The following ARHGEF39 variants were observed in gnomAD, a reference collection of about 807,000 sequenced individuals.
The protein encoded by ARHGEF39 is Rho guanine nucleotide exchange factor (GEF) 39.
Under a neutral mutation model 47.5 loss-of-function variants are expected in ARHGEF39, and 45 were observed. The ratio of observed to expected loss-of-function variants is 0.95; its 90% CI spans 0.75 to 1.22. The LOEUF (loss-of-function observed/expected upper bound fraction) is 1.22, where lower values mean the gene tolerates loss of function less well. Among genes scored for constraint, ARHGEF39 ranks in the 50% most tolerant of loss-of-function variants. ARHGEF39 has a pLI of 0.00. For missense variants in ARHGEF39, 411 were observed against 425.3 expected (o/e 0.97, Z 0.30); for synonymous variants, 164 against 167.8 (o/e 0.98, Z 0.17).
Position 35,661,201 on chromosome 9 carries a change from T to C in ARHGEF39, c.*786A>G. The C allele has an allele frequency of 6.4e-7, 1 of 1,571,392 alleles. No individual in the cohort carries two copies. Among genetic ancestry groups the C allele is most frequent in the Non-Finnish European group, 8.6e-7 (1 of 1,156,816 alleles). On this transcript the variant is annotated 3_prime_UTR_variant, in exon 9 of 9. Transcript: ENST00000378387. ...CTGTTTTCATGATGGAGTGCTCCTG[T>C]GTGTTTTTTCGATCCTAGTTGGTTG... is the stretch of plus-strand genomic sequence containing the variant.
At chr9:35,664,202 C>T in intron 3 of ARHGEF39, 76 bp from the exon 4 acceptor site, 1 of 1,543,922 alleles carries the variant, frequency 6.5e-7, no homozygotes. Context: ...ATCCACATTC[C>T]CAGCCTTCAG....
Position 35,664,415 on chromosome 9 carries a change from TTA to T in ARHGEF39, c.309_310del (p.Tyr103Ter). ...CCTCTCTGAGTTGGCAGCAAATTGG[TTA>T]TAGAGCTCCAAGTGGCGGCAGAAGC... On this transcript the variant is annotated stop_gained and frameshift_variant, in exon 3 of 9. Transcript: ENST00000378387. LOFTEE classifies it high-confidence loss of function. 1 of 1,613,304 alleles carries T rather than the reference TTA, an allele frequency of 6.2e-7. No individual in the cohort carries two copies. Among genetic ancestry groups the T allele is most frequent in the South Asian group, 1.1e-5 (1 of 90,958 alleles).
Position 35,662,625 on chromosome 9 carries a change from G to GT in ARHGEF39, c.789dup (p.Leu264ThrfsTer44). The GT allele has an allele frequency of 6.2e-7, 1 of 1,614,092 alleles. No homozygotes were observed. Among genetic ancestry groups the GT allele is most frequent in the East Asian group, 2.2e-5 (1 of 44,884 alleles). On this transcript the variant is annotated frameshift_variant, in exon 7 of 9. Coordinates refer to ENST00000378387, the MANE Select transcript of ARHGEF39 (RefSeq NM_032818.3). LOFTEE classifies it high-confidence loss of function. ...AAGGTGCCACTCCGCAGCAGGTGCA[G>GT]TGGAGGCCGAGGCTTGGCCATGAGG...
Position 35,662,942 on chromosome 9 carries a change from C to T in ARHGEF39, c.673+4G>A, listed in dbSNP as rs1587933607. On this transcript the variant is annotated splice_donor_region_variant and intron_variant, in intron 6 of 8. Coordinates refer to ENST00000378387, the MANE Select transcript of ARHGEF39 (RefSeq NM_032818.3). Reference sequence around the variant, plus strand: ...GAGGATTGAAGGGGAAGTAGGCAAGCTACCTGAGGTCAGCCCCTTTGCCTG... The same window carrying T: ...GAGGATTGAAGGGGAAGTAGGCAAGTTACCTGAGGTCAGCCCCTTTGCCTG... The T allele has an allele frequency of 6.2e-7, 1 of 1,607,106 alleles. No homozygotes were observed. Among genetic ancestry groups the T allele is most frequent in the East Asian group, 2.2e-5 (1 of 44,656 alleles).
At chr9:35,662,063 T>C in intron 8 of ARHGEF39, 61 bp from the exon 9 acceptor site, 1 of 1,610,586 alleles carries the variant, frequency 6.2e-7, no homozygotes, top group Non-Finnish European at 8.5e-7. Flanking sequence ...GACAAAATCA[T>C]CTGGGGGTTG....
rs372621134 is a variant in ARHGEF39, at chr9:35,661,094, C to T, written c.*893G>A. ...TGGGGCGGGGACTACGGAGAAGGTGCAGCCAGGCTGTGGCAAAGGGCCCCA... is the reference window on the plus strand; with the variant it reads ...TGGGGCGGGGACTACGGAGAAGGTGTAGCCAGGCTGTGGCAAAGGGCCCCA... On this transcript the variant is annotated 3_prime_UTR_variant, in exon 9 of 9. Coordinates refer to ENST00000378387, the MANE Select transcript of ARHGEF39 (RefSeq NM_032818.3). The T allele has an allele frequency of 1.2e-6, 2 of 1,614,022 alleles. No homozygotes were observed. The highest frequency in any genetic ancestry group is 2.7e-5 in the African/African-American group (2 of 74,924).
chr9:35,664,028 C>G lies in ARHGEF39; in HGVS notation c.453G>C (p.Leu151=). ...GGLQLQDLLP[L]PLQRLQQYEN... Reference sequence around the variant, plus strand: ...CTCACTGCTGGAGCCGTTGCAGAGGCAGAGGGAGCAGGTCCTGGAGCTGAA... The same window carrying G: ...CTCACTGCTGGAGCCGTTGCAGAGGGAGAGGGAGCAGGTCCTGGAGCTGAA... Residue 151 remains leucine (L), a synonymous_variant, in exon 4 of 9, where the codon CTG becomes CTC. Transcript: ENST00000378387. 1 of 1,614,074 alleles carries G rather than the reference C, an allele frequency of 6.2e-7. No homozygotes were observed. Among genetic ancestry groups the G allele is most frequent in the Non-Finnish European group, 8.5e-7 (1 of 1,179,936 alleles).
rs375764017 is a variant in ARHGEF39, at chr9:35,661,497, T to C, written c.*490A>G. On this transcript the variant is annotated 3_prime_UTR_variant, in exon 9 of 9. Transcript: ENST00000378387. ...GTGGAAAAATAAATGATAGAAACTA[T>C]ACACAACATAAAAATAGCCACATTT... 2.2e-6 allele frequency: 1 copy of C among 459,428 alleles called. No homozygotes were observed. Among genetic ancestry groups the C allele is most frequent in the South Asian group, 5.5e-5 (1 of 18,178 alleles). The allele number at this position is 459,428 out of a possible 1,614,324, so 28.5% of individuals were successfully genotyped here.
chr9:35,662,822 G>A (rs1336931396), intron 6 of ARHGEF39, 81 bp from the exon 7 acceptor site: 3 of 1,525,306 alleles, frequency 2.0e-6, no homozygotes, highest in Non-Finnish European at 2.7e-6. Context: ...AGAAAATAGG[G>A]GTTATGTGCT....
Position 35,664,044 on chromosome 9 carries a change from T to G in ARHGEF39, c.437A>C (p.Gln146Pro), listed in dbSNP as rs760504341. 5 of 1,613,990 alleles carry G rather than the reference T, an allele frequency of 3.1e-6. No homozygotes were observed. The highest frequency in any genetic ancestry group is 1.6e-4 in the Middle Eastern group (1 of 6,084). ...GRPEFGGLQL[Q>P]DLLPLPLQRL... ...TTGCAGAGGCAGAGGGAGCAGGTCC[T>G]GGAGCTGAAGGCCCCCAAACTCAGG... Residue 146 changes from glutamine (Q) to proline (P), a missense_variant, in exon 4 of 9, where the codon CAG becomes CCG. By Grantham distance (76) the Gln-to-Pro change is moderately conservative. Coordinates refer to ENST00000378387, the MANE Select transcript of ARHGEF39 (RefSeq NM_032818.3).
At position 35,659,425 on chromosome 9, in the gene ARHGEF39, G is replaced by A. The variant is rs1211057005; in HGVS notation, c.*2562C>T. On this transcript the variant is annotated 3_prime_UTR_variant, in exon 9 of 9. Transcript: ENST00000378387. ...GTTCTTGGACCTGAGTACAGTCTGG[G>A]AGAAACATAATGTAGCAGGAGGTCT... The A allele has an allele frequency of 1.3e-5, 2 of 152,226 alleles. No individual in the cohort carries two copies. Among genetic ancestry groups the A allele is most frequent in the Admixed American group, 6.5e-5 (1 of 15,274 alleles). 9.4% of individuals were successfully genotyped at this position (152,226 alleles called of 1,614,324 possible).
At position 35,660,076 on chromosome 9, in the gene ARHGEF39, C is replaced by G. The variant is rs968098851; in HGVS notation, c.*1911G>C. On this transcript the variant is annotated 3_prime_UTR_variant, in exon 9 of 9. Coordinates refer to ENST00000378387, the MANE Select transcript of ARHGEF39 (RefSeq NM_032818.3). Reference sequence around the variant, plus strand: ...GCCAGGCTGGTCTCAAACTCCTGACCTCAGGTGATCCACCCACCTTGGCTT... The same window carrying G: ...GCCAGGCTGGTCTCAAACTCCTGACGTCAGGTGATCCACCCACCTTGGCTT... 1 of 203,472 alleles carries G rather than the reference C, an allele frequency of 4.9e-6. No individual in the cohort carries two copies. The highest frequency in any genetic ancestry group is 5.5e-5 in the Admixed American group (1 of 18,346). 12.6% of individuals were successfully genotyped at this position (203,472 alleles called of 1,614,324 possible).
rs1193395076 is a variant in ARHGEF39 at position 35,663,221 on chromosome 9, G to T, written c.544+101C>A. 9.0e-6 allele frequency: 14 copies of T among 1,552,688 alleles called. No homozygotes were observed. The East Asian group carries it at 3.1e-4, about 35-fold the overall frequency. ...CAGTAGGGACACTGTATACATGTCA[G>T]TGGAAGATAGGGTCATACCAGACAT... On this transcript the variant is annotated intron_variant, in intron 5 of 8. Transcript: ENST00000378387.
At position 35,662,598 on chromosome 9, in the gene ARHGEF39, C is replaced by G. The variant is rs1824014631; in HGVS notation, c.817G>C (p.Ala273Pro). 2 of 1,614,064 alleles carry G rather than the reference C, an allele frequency of 1.2e-6. No homozygotes were observed. Among genetic ancestry groups the G allele is most frequent in the Non-Finnish European group, 8.5e-7 (1 of 1,180,044 alleles). Residue 273 changes from alanine (A) to proline (P), a missense_variant, in exon 7 of 9, where the codon GCC (alanine) becomes CCC (proline). Transcript: ENST00000378387. ...PLHLLRSGTF[A>P]CKALYPMAQC... ...GCCATGGGGTAGAGGGCCTTGCAGG[C>G]AAAGGTGCCACTCCGCAGCAGGTGC...
chr9:35,664,824 C>CT lies in ARHGEF39; in HGVS notation c.164dup (p.Thr57AspfsTer6). 1 of 1,611,040 alleles carries CT rather than the reference C, an allele frequency of 6.2e-7. No individual in the cohort carries two copies. The highest frequency in any genetic ancestry group is 8.5e-7 in the Non-Finnish European group (1 of 1,179,978). On this transcript the variant is annotated frameshift_variant, in exon 2 of 9. Coordinates refer to ENST00000378387, the MANE Select transcript of ARHGEF39 (RefSeq NM_032818.3). LOFTEE classifies it high-confidence loss of function. ...GGCGCTCAGGTGGTCGCAGGGTCCC[C>CT]TTGGCTTTCAGGATCCCCAAAAAGT... is the stretch of plus-strand genomic sequence containing the variant.
Position 35,664,403 on chromosome 9 carries a change from G to C in ARHGEF39, c.323C>G (p.Ala108Gly), listed in dbSNP as rs747956389. 6.2e-7 allele frequency: 1 copy of C among 1,613,006 alleles called. No individual in the cohort carries two copies. Among genetic ancestry groups the C allele is most frequent in the Admixed American group, 1.7e-5 (1 of 59,784 alleles). Residue 108 changes from alanine to glycine, a missense_variant, in exon 3 of 9, where the codon GCC becomes GGC. Physicochemically the swap from Ala to Gly is moderately conservative, Grantham distance 60. Transcript: ENST00000378387. Reference protein sequence around the residue: ...RHLELYNQFAANSERSQTTLQ... With the variant: ...RHLELYNQFAGNSERSQTTLQ... ...GGTGGTCTGGGACCTCTCTGAGTTGGCAGCAAATTGGTTATAGAGCTCCAA... is the reference window on the plus strand; with the variant it reads ...GGTGGTCTGGGACCTCTCTGAGTTGCCAGCAAATTGGTTATAGAGCTCCAA...
Position 35,661,319 on chromosome 9 carries a change from C to A in ARHGEF39, c.*668G>T. ...AAGAGGCTGCCTTCCAGTGTGACAG[C>A]AGAGAAGATAGAGGGAGCTCCAGCT... On this transcript the variant is annotated 3_prime_UTR_variant, in exon 9 of 9. Transcript: ENST00000378387. 1.6e-6 allele frequency: 1 copy of A among 643,020 alleles called. No homozygotes were observed. The highest frequency in any genetic ancestry group is 2.7e-6 in the Non-Finnish European group (1 of 376,860). 39.8% of individuals were successfully genotyped at this position (643,020 alleles called of 1,614,324 possible).
At position 35,660,455 on chromosome 9, in the gene ARHGEF39, C is replaced by T; in HGVS notation, c.*1532G>A. On this transcript the variant is annotated 3_prime_UTR_variant, in exon 9 of 9. Coordinates refer to ENST00000378387, the MANE Select transcript of ARHGEF39 (RefSeq NM_032818.3). ...GGAGGCAAGCAAGCAGCAGCCACTG[C>T]AGTCAGGTGGGTTTAGCAGAAGTCT... 4 of 1,612,978 alleles carry T rather than the reference C, an allele frequency of 2.5e-6. No homozygotes were observed. Among genetic ancestry groups the T allele is most frequent in the Non-Finnish European group, 3.4e-6 (4 of 1,179,540 alleles).
Position 35,661,946 on chromosome 9 carries a change from A to C in ARHGEF39, c.*41T>G, listed in dbSNP as rs72727021. Reference sequence around the variant, plus strand: ...TCCTTTGTACTCTTGGCTGTGACCTATCCCTGAGGTATCCTGAGTTCTGGA... The same window carrying C: ...TCCTTTGTACTCTTGGCTGTGACCTCTCCCTGAGGTATCCTGAGTTCTGGA... On this transcript the variant is annotated 3_prime_UTR_variant, in exon 9 of 9. Coordinates refer to ENST00000378387, the MANE Select transcript of ARHGEF39 (RefSeq NM_032818.3). The C allele has an allele frequency of 0.094, 150,465 of 1,603,722 alleles. 7,981 individuals carry two copies. Among genetic ancestry groups the C allele is most frequent in the Non-Finnish European group, 0.11 (126,778 of 1,173,128 alleles).
Sources: allele counts gnomAD v4.1 joint callset, GRCh38; gene constraint gnomAD v4.1.1; transcripts MANE v1.5; gene names NCBI Gene and HGNC (gene_info 2026-07-23, HGNC 2026-07-21).